Variants in TIAM1 observed in about 807,000 individuals in gnomAD.
TIAM1 encodes TIAM Rac1 associated GEF 1, also known as rho guanine nucleotide exchange factor TIAM1.
TIAM1 carries 65 observed loss-of-function variants against 163.5 expected under a neutral mutation model. The observed-to-expected ratio is 0.40, with a 90% CI of 0.33 to 0.49. The LOEUF is 0.49. TIAM1 is among the 20% of genes least tolerant of loss of function. The probability of loss-of-function intolerance (pLI) is 0.77; values close to 1 mark genes in which losing one functional copy is unlikely to be tolerated. For missense variants in TIAM1, 1,789 were observed against 2,044.7 expected, an observed-to-expected ratio of 0.87 and a Z score of 2.41; for synonymous variants, 833 against 810.1, an observed-to-expected ratio of 1.03 and a Z score of -0.48.
chr21:31,365,884 C>T (rs146652949), intron 2 of TIAM1, among the ~76,000 whole-genome samples: 12,535 of 151,366 alleles, frequency 0.083, 979 homozygotes, highest in East Asian at 0.43. Flanking sequence ...AGGTGGATCA[C>T]GAAGTCAAGA....
intron 2 of TIAM1, among the ~76,000 whole-genome samples, chr21:31,370,247 G>C (rs951436751): frequency 2.0e-5 from 3 of 152,208 alleles, no homozygotes; most frequent in Non-Finnish European, 4.4e-5. Context: ...GATTCAAAAA[G>C]ATGAGCTGTT....
chr21:31,185,172 C>G (rs578206420), intron 14 of TIAM1, among the ~76,000 whole-genome samples: 1 of 152,110 alleles, frequency 6.6e-6, no homozygotes, highest in Non-Finnish European at 1.5e-5. Context: ...GATGAAACTA[C>G]AAATCCCATA....
At chr21:31,519,828 T>C (rs2147491968) in intron 1 of TIAM1, among the ~76,000 whole-genome samples, 1 of 152,268 alleles carries the variant, frequency 6.6e-6, no homozygotes, top group Non-Finnish European at 1.5e-5. Context: ...TCCACTTACA[T>C]GAGGTCCCTA....
chr21:31,482,838 G>GTCCAGAGC (rs1208594451), intron 1 of TIAM1, among the ~76,000 whole-genome samples: 4 of 152,196 alleles, frequency 2.6e-5, no homozygotes, highest in Non-Finnish European at 5.9e-5. Flanking sequence ...CCAGAGCAAT[G>GTCCAGAGC]TAAGGACTGT....
chr21:31,364,843 A>G (rs1364989562), intron 2 of TIAM1, among the ~76,000 whole-genome samples: 1 of 152,324 alleles, frequency 6.6e-6, no homozygotes, highest in Non-Finnish European at 1.5e-5. Context: ...GAGTAATGGC[A>G]CAGTCCAGAG....
chr21:31,508,435 A>T (rs1464488586), intron 1 of TIAM1, among the ~76,000 whole-genome samples: 3 of 142,334 alleles, frequency 2.1e-5, no homozygotes, highest in African/African-American at 7.9e-5. Flanking sequence ...GTTGCCCAGG[A>T]TGGAGTGCAA....
Position 31,265,797 on chromosome 21 carries a change from A to G in TIAM1, c.963+213T>C, listed in dbSNP as rs139264866. Among the ~76,000 whole-genome samples, 18 of 152,060 alleles carry G rather than the reference A, an allele frequency of 1.2e-4. No homozygotes were observed. In the East Asian group the frequency reaches 3.5e-3, roughly 29 times the overall value. On this transcript the variant is annotated intron_variant, in intron 4 of 27. Transcript: ENST00000541036. ...TATCACATCGCCACTCCCCCCACACACTTCCCTTAATCCCCACCCCTTAAC... is the reference window on the plus strand; with the variant it reads ...TATCACATCGCCACTCCCCCCACACGCTTCCCTTAATCCCCACCCCTTAAC...
chr21:31,295,469 C>CAA (rs1215751004), intron 2 of TIAM1, among the ~76,000 whole-genome samples: 25,382 of 65,934 alleles, frequency 0.38, 4,908 homozygotes, highest in East Asian at 0.81. Context: ...GACTCCATCA[C>CAA]AAAAAAAAAA....
Position 31,266,043 on chromosome 21 carries a change from G to T in TIAM1, c.930C>A (p.Asn310Lys). Residue 310 changes from asparagine (N) to lysine (K), a missense_variant, in exon 4 of 28, where the codon AAC becomes AAA. Transcript: ENST00000541036. ...GATNPQISHS[N>K]SMQGRRAKTT... ...TTTTAGCTCTTCTGCCTTGCATGCT[G>T]TTGCTATGGCTAATTTGTGGGTTGG... The T allele has an allele frequency of 1.2e-6, 2 of 1,614,208 alleles. No individual in the cohort carries two copies. Among genetic ancestry groups the T allele is most frequent in the Non-Finnish European group, 1.7e-6 (2 of 1,180,030 alleles).
intron 7 of TIAM1, 37 bp downstream of exon 7, chr21:31,225,689 C>T (rs764803277): frequency 1.3e-6 from 2 of 1,510,972 alleles, no homozygotes; most frequent in African/African-American, 1.4e-5. Flanking sequence ...AGAGACCTAA[C>T]AATTTTGTCC....
chr21:31,127,445 G>T (rs1191134448), intron 25 of TIAM1, among the ~76,000 whole-genome samples: 1 of 148,112 alleles, frequency 6.8e-6, no homozygotes, highest in Admixed American at 6.7e-5. Context: ...TTGAGATGGA[G>T]TCTCATTCTG....
At chr21:31,407,826 C>T (rs572060275) in intron 2 of TIAM1, among the ~76,000 whole-genome samples, 27 of 151,922 alleles carry the variant, frequency 1.8e-4, no homozygotes, top group Non-Finnish European at 3.2e-4. Flanking sequence ...TCAGTAGAGA[C>T]GGGGTTTCAC....
At position 31,540,385 on chromosome 21, in the gene TIAM1, C is replaced by CAA. The variant is rs77493008; in HGVS notation, c.-422+18540_-422+18541dup. Among the ~76,000 whole-genome samples the CAA allele has an allele frequency of 2.6e-3, 160 of 62,318 alleles. 1 individual carries two copies. The highest frequency in any genetic ancestry group is 8.5e-3 in the African/African-American group (149 of 17,590). The allele number at this position is 62,318 out of a possible 152,430, so 40.9% of individuals were successfully genotyped here. A position where few individuals can be genotyped will look rare whatever the true frequency, so the allele number is the denominator to read the frequency against. On this transcript the variant is annotated intron_variant, in intron 1 of 28. Transcript: ENST00000286827. ...AGGCAAAAAGAGCAATACTCCATCT[C>CAA]AAAAAAAAAAAAAAAAAGGTAGCGA...
Position 31,295,196 on chromosome 21 carries a change from T to C in TIAM1, c.-188-18288A>G, listed in dbSNP as rs563286710. 2.4e-3 allele frequency among the ~76,000 whole-genome samples: 364 copies of C among 152,218 alleles called. 1 individual carries two copies. The highest frequency in any genetic ancestry group is 7.4e-3 in the African/African-American group (306 of 41,544). On this transcript the variant is annotated intron_variant, in intron 2 of 27. Coordinates refer to ENST00000541036, the MANE Select transcript of TIAM1 (RefSeq NM_001353694.2). ...TCTTAAAGGGTCTTAAAGGGCCAGG[T>C]GCGGTGGCTTACGCCTGCAATCCCA...
intron 4 of TIAM1, among the ~76,000 whole-genome samples, chr21:31,260,971 T>C (rs976314059): frequency 6.6e-6 from 1 of 152,224 alleles, no homozygotes; most frequent in African/African-American, 2.4e-5. Flanking sequence ...TGGTTGTTGA[T>C]GTGCATTTTC....
At chr21:31,233,826 T>TC (rs766868439) in intron 6 of TIAM1, among the ~76,000 whole-genome samples, 4 of 152,170 alleles carry the variant, frequency 2.6e-5, no homozygotes, top group African/African-American at 4.8e-5. Context: ...AGCTCTGGAC[T>TC]CCAGGAAGAC....
Position 31,225,926 on chromosome 21 carries a change from T to A in TIAM1, c.1609A>T (p.Asn537Tyr), listed in dbSNP as rs2087937052. The change falls in exon 7 of 28, where the codon AAC becomes TAC. Residue 537 changes from asparagine (N) to tyrosine (Y), a missense_variant. By Grantham distance (143) the Asn-to-Tyr change is moderately radical. Around this residue, in one of 5 missense-constraint regions of TIAM1, gnomAD observed 456 missense variants for 586.6 expected, o/e 0.78. Coordinates refer to ENST00000541036, the MANE Select transcript of TIAM1 (RefSeq NM_001353694.2). The stretch of plus-strand genomic sequence containing the variant: ...GCAGAGTGGATGGCGGTGATCCAGT[T>A]TTCAAGCTCCGTCTGGCTAGTGGTC... ...FQTTSQTELE[N>Y]WITAIHSACA... 6.2e-7 allele frequency: 1 copy of A among 1,613,962 alleles called. No homozygotes were observed. Among genetic ancestry groups the A allele is most frequent in the Non-Finnish European group, 8.5e-7 (1 of 1,180,008 alleles).
At chr21:31,511,758 G>C (rs1479908446) in intron 1 of TIAM1, among the ~76,000 whole-genome samples, 1 of 152,196 alleles carries the variant, frequency 6.6e-6, no homozygotes, top group Admixed American at 6.5e-5. Context: ...AAGGCACTTT[G>C]CAGAAAGGGA....
At chr21:31,319,500 C>T (rs1012227077) in intron 2 of TIAM1, among the ~76,000 whole-genome samples, 6 of 151,956 alleles carry the variant, frequency 3.9e-5, no homozygotes. Flanking sequence ...ATAACCTGGC[C>T]GGGCACGGTG....
Sources: allele counts gnomAD v4.1 joint callset (sites outside exome capture counted in the v4.1 genomes callset), GRCh38; gene constraint gnomAD v4.1.1; regional missense constraint gnomAD v4.1.1; transcripts MANE v1.5; gene names NCBI Gene and HGNC (gene_info 2026-07-23, HGNC 2026-07-21).